Variants in ZNF596 observed in about 807,000 individuals in gnomAD.
ZNF596 encodes zinc finger protein 596.
ZNF596 carries 45 observed loss-of-function variants against 48.3 expected under a neutral mutation model. That is an observed-to-expected ratio of 0.93 (90% CI 0.73 to 1.19). The LOEUF is 1.19. ZNF596 is among the 50% of genes most tolerant of loss of function. The pLI is 0.00. For synonymous variants in ZNF596, 270 were observed against 202.0 expected, an observed-to-expected ratio of 1.34 and a Z score of -2.85; for missense variants, 848 against 599.7, an observed-to-expected ratio of 1.41 and a Z score of -4.32.
intron 1 of ZNF596, among the ~76,000 whole-genome samples, chr8:235,662 C>T (rs970230677): frequency 5.9e-5 from 9 of 152,088 alleles, no homozygotes; most frequent in Non-Finnish European, 1.0e-4. Flanking sequence ...TATATGTACG[C>T]ACACACAAAC....
At chr8:235,303 G>T (rs1374160897) in intron 1 of ZNF596, among the ~76,000 whole-genome samples, 7 of 152,230 alleles carry the variant, frequency 4.6e-5, no homozygotes, top group Non-Finnish European at 7.3e-5. Context: ...CTCTGCAAAT[G>T]TCTGAGGGTT....
chr8:246,126 G>C lies in ZNF596; in HGVS notation c.1279G>C (p.Ala427Pro), dbSNP rs773568973. 2 of 1,613,516 alleles carry C rather than the reference G, an allele frequency of 1.2e-6. No individual in the cohort carries two copies. Among genetic ancestry groups the C allele is most frequent in the Middle Eastern group, 1.6e-4 (1 of 6,062 alleles). ...KPYECHLCGK[A>P]FNHSSVLRRH... Reference sequence around the variant, plus strand: ...ATATGAATGCCATCTATGCGGAAAAGCCTTCAATCACTCTTCTGTCCTTAG... The same window carrying C: ...ATATGAATGCCATCTATGCGGAAAACCCTTCAATCACTCTTCTGTCCTTAG... The change falls in exon 6 of 6, where the codon GCC (alanine) becomes CCC (proline). Residue 427 changes from alanine to proline, a missense_variant. By Grantham distance (27) the Ala-to-Pro change is conservative. Transcript: ENST00000398612.
chr8:237,800 GA>G (rs1370748789), intron 1 of ZNF596: 1 of 152,206 alleles, frequency 6.6e-6, no homozygotes, highest in Non-Finnish European at 1.5e-5. Flanking sequence ...CTGGACTCCA[GA>G]TCCAAACTTG....
chr8:240,738 G>T, intron 1 of ZNF596, 86 bp from the exon 2 acceptor site: 1 of 841,962 alleles, frequency 1.2e-6, no homozygotes, highest in Admixed American at 2.1e-5. Context: ...TTGTTGGTTG[G>T]ACTGGGGCTA....
At chr8:245,004 T>C in intron 5 of ZNF596, 150 bp from the exon 6 acceptor site, 1 of 962,102 alleles carries the variant, frequency 1.0e-6, no homozygotes, top group Non-Finnish European at 1.5e-6. Flanking sequence ...TTAGATAATA[T>C]ACTACGTTTG....
Position 247,294 on chromosome 8 carries a change from G to T in ZNF596, c.*932G>T, listed in dbSNP as rs1445713283. The T allele has an allele frequency of 6.6e-6, 1 of 152,164 alleles. No individual in the cohort carries two copies. The highest frequency in any genetic ancestry group is 2.4e-5 in the African/African-American group (1 of 41,442). The allele number at this position is 152,164 out of a possible 1,614,324, so 9.4% of individuals were successfully genotyped here. A position where few individuals can be genotyped will look rare whatever the true frequency, so the allele number is the denominator to read the frequency against. ...AAATAACCTGGGAATATTGAATGCA[G>T]AATTATGTAAGAAGTAATAAGATTA... On this transcript the variant is annotated 3_prime_UTR_variant, in exon 6 of 6. Coordinates refer to ENST00000398612, the MANE Select transcript of ZNF596 (RefSeq NM_001042416.3).
At chr8:244,122 T>C in intron 4 of ZNF596, 1 of 211,688 alleles carries the variant, frequency 4.7e-6, no homozygotes, top group South Asian at 7.7e-5. Context: ...ACTCCTGACC[T>C]CAAGAAATCC....
At chr8:239,151 G>C (rs1195771511) in intron 1 of ZNF596, among the ~76,000 whole-genome samples, 1 of 152,128 alleles carries the variant, frequency 6.6e-6, no homozygotes, top group Non-Finnish European at 1.5e-5. Context: ...TGAAGAAACT[G>C]TCTGTCTTTG....
upstream of ZNF596, chr8:232,155 G>C (rs1400037561): frequency 6.6e-6 from 1 of 151,942 alleles, no homozygotes; most frequent in Non-Finnish European, 1.5e-5. Flanking sequence ...TGGAAGCAGC[G>C]CGGACCCACG....
In ZNF596 at chr8:245,360, A is replaced by G. The variant is rs1395867402; in HGVS notation, c.513A>G (p.Leu171=). ...HTKCKSYGSH[L]FDYAFIQNSA... ...AATGTAAATCATATGGAAGTCATCT[A>G]TTTGATTATGCCTTTATCCAAAACT... Residue 171 remains leucine, a synonymous_variant, in exon 6 of 6, where the codon CTA becomes CTG. Coordinates refer to ENST00000398612, the MANE Select transcript of ZNF596 (RefSeq NM_001042416.3). The G allele has an allele frequency of 3.7e-6, 6 of 1,614,030 alleles. No individual in the cohort carries two copies. The East Asian group carries it at 8.9e-5, about 24-fold the overall frequency.
intron 1 of ZNF596, among the ~76,000 whole-genome samples, chr8:235,571 A>G (rs1287558676): frequency 2.0e-5 from 3 of 152,190 alleles, no homozygotes; most frequent in African/African-American, 4.8e-5. Flanking sequence ...ATTATTTTAT[A>G]GACATATGTG....
At chr8:235,682 G>A (rs913305190) in intron 1 of ZNF596, among the ~76,000 whole-genome samples, 2 of 151,696 alleles carry the variant, frequency 1.3e-5, no homozygotes, top group Admixed American at 6.6e-5. Context: ...CACACACTTC[G>A]GTGTCTTATT....
At position 245,328 on chromosome 8, in the gene ZNF596, CA is replaced by C; in HGVS notation, c.482del (p.His161ProfsTer27). The C allele has an allele frequency of 6.2e-7, 1 of 1,614,094 alleles. No individual in the cohort carries two copies. On this transcript the variant is annotated frameshift_variant, in exon 6 of 6. Transcript: ENST00000398612. LOFTEE classifies it high-confidence loss of function. The stretch of plus-strand genomic sequence containing the variant: ...ATCCTTTAATCAACACAAGGAAATT[CA>C]CACCAAATGTAAATCATATGGAAGT... ...WLSFNQHKEIHTKCKSYGSHL... is the reference protein window; with the variant it reads ...WLSFNQHKEIXTKCKSYGSHL...
intron 2 of ZNF596, 48 bp downstream of exon 2, chr8:240,955 A>T: frequency 6.2e-7 from 1 of 1,611,072 alleles, no homozygotes; most frequent in Non-Finnish European, 8.5e-7. Flanking sequence ...CCCTGTTACC[A>T]GCCTAAGGGC....
chr8:237,315 T>C (rs771278810), intron 1 of ZNF596: 1 of 152,162 alleles, frequency 6.6e-6, no homozygotes, highest in Non-Finnish European at 1.5e-5. Context: ...TATTATTTAT[T>C]AAATTGTTTT....
rs1037404392 is a variant in ZNF596 at position 247,009 on chromosome 8, T to C, written c.*647T>C. 6.7e-6 allele frequency: 1 copy of C among 149,966 alleles called. No individual in the cohort carries two copies. Among genetic ancestry groups the C allele is most frequent in the Non-Finnish European group, 1.5e-5 (1 of 67,324 alleles). 9.3% of individuals were successfully genotyped at this position (149,966 alleles called of 1,614,324 possible). A position where few individuals can be genotyped will look rare whatever the true frequency, so the allele number is the denominator to read the frequency against. On this transcript the variant is annotated 3_prime_UTR_variant, in exon 6 of 6. Coordinates refer to ENST00000398612, the MANE Select transcript of ZNF596 (RefSeq NM_001042416.3). ...TCTCAATGACATGAATGGAGGGTAG[T>C]CCTCAGTAAATTACTCATTCCTTAG...
chr8:241,632 A>C (rs1438941653), intron 2 of ZNF596, among the ~76,000 whole-genome samples: 1 of 152,204 alleles, frequency 6.6e-6, no homozygotes, highest in East Asian at 1.9e-4. Context: ...TAAAACTCTG[A>C]GGAAATTTTT....
intron 2 of ZNF596, among the ~76,000 whole-genome samples, chr8:241,408 G>A (rs117441293): frequency 6.6e-6 from 1 of 152,208 alleles, no homozygotes; most frequent in Non-Finnish European, 1.5e-5. Flanking sequence ...AGACAATGAG[G>A]AATTATTCAT....
Position 246,070 on chromosome 8 carries a change from G to C in ZNF596, c.1223G>C (p.Arg408Pro), listed in dbSNP as rs766377726. The change falls in exon 6 of 6, where the codon CGA (arginine) becomes CCA (proline). Residue 408 changes from arginine (R) to proline (P), a missense_variant. Coordinates refer to ENST00000398612, the MANE Select transcript of ZNF596 (RefSeq NM_001042416.3). Reference protein sequence around the residue: ...KAFTESSDLRRHERTHTGEKP... With the variant: ...KAFTESSDLRPHERTHTGEKP... ...TTCACTGAATCTTCTGACCTCAGAC[G>C]ACATGAGAGAACTCACACTGGAGAA... is the stretch of plus-strand genomic sequence containing the variant. 6.2e-7 allele frequency: 1 copy of C among 1,612,492 alleles called. No homozygotes were observed. The highest frequency in any genetic ancestry group is 8.5e-7 in the Non-Finnish European group (1 of 1,179,504).
Sources: allele counts gnomAD v4.1 joint callset (sites outside exome capture counted in the v4.1 genomes callset), GRCh38; gene constraint gnomAD v4.1.1; transcripts MANE v1.5; gene names NCBI Gene and HGNC (gene_info 2026-07-23, HGNC 2026-07-21).